The following TBC1D14 variants were observed in gnomAD, a reference collection of about 807,000 sequenced individuals.
TBC1D14 encodes TBC1 domain family member 14, also known as TBC1 domain family, member 14.
TBC1D14 carries 26 observed loss-of-function variants against 79.0 expected under a neutral mutation model. That is an observed-to-expected ratio of 0.33 (90% confidence interval 0.24 to 0.46). The LOEUF (loss-of-function observed/expected upper bound fraction) is 0.46. Ranked by LOEUF, TBC1D14 falls within the 20% of genes least tolerant of loss-of-function variation. TBC1D14 has a pLI of 1.00. For synonymous variants in TBC1D14, 394 were observed against 349.9 expected (o/e 1.13, Z -1.40); for missense variants, 769 against 887.6 (o/e 0.87, Z 1.70).
At chr4:6,984,915 T>G (rs1717686014) in intron 3 of TBC1D14, among the ~76,000 whole-genome samples, 1 of 152,160 alleles carries the variant, frequency 6.6e-6, no homozygotes, top group Non-Finnish European at 1.5e-5. Context: ...TGGCCCGTTG[T>G]GTACGATTGT....
intron 12 of TBC1D14, among the ~76,000 whole-genome samples, chr4:7,017,559 C>T (rs1275204240): frequency 2.6e-5 from 4 of 151,972 alleles, no homozygotes; most frequent in Non-Finnish European, 5.9e-5. Context: ...CAGTAATGAG[C>T]AGTGAGGCAG....
At chr4:7,013,961 G>T (rs1721036721) in intron 11 of TBC1D14, among the ~76,000 whole-genome samples, 2 of 152,188 alleles carry the variant, frequency 1.3e-5, no homozygotes, top group Admixed American at 6.5e-5. Flanking sequence ...GTGTTAGCGA[G>T]GATGGTCTCG....
intron 1 of TBC1D14, among the ~76,000 whole-genome samples, chr4:6,921,190 C>T (rs1452109378): frequency 2.6e-5 from 4 of 152,006 alleles, no homozygotes; most frequent in African/African-American, 9.7e-5. Context: ...TTGTCTTAGG[C>T]CAGAGAACTT....
intron 2 of TBC1D14, among the ~76,000 whole-genome samples, chr4:6,961,435 A>G (rs1715182449): frequency 6.6e-6 from 1 of 152,012 alleles, no homozygotes; most frequent in Non-Finnish European, 1.5e-5. Context: ...GGCCCTGCTG[A>G]GGAGTTGAGT....
intron 6 of TBC1D14, among the ~76,000 whole-genome samples, 155 bp downstream of exon 6, chr4:6,999,357 C>T (rs938919540): frequency 2.6e-5 from 4 of 151,980 alleles, no homozygotes; most frequent in African/African-American, 9.7e-5. Flanking sequence ...TCAGCCTGCG[C>T]CATCCCTTGC....
intron 12 of TBC1D14, among the ~76,000 whole-genome samples, chr4:7,021,632 A>G (rs1277179972): frequency 6.6e-6 from 1 of 150,958 alleles, no homozygotes; most frequent in African/African-American, 2.4e-5. Flanking sequence ...GTTATTTTGC[A>G]TTAGTTGAAG....
At chr4:6,952,520 G>A (rs939327480) in intron 2 of TBC1D14, among the ~76,000 whole-genome samples, 1 of 152,116 alleles carries the variant, frequency 6.6e-6, no homozygotes, top group Non-Finnish European at 1.5e-5. Flanking sequence ...GATTGTCCAG[G>A]GTTTTTTAAA....
At chr4:7,029,564 G>A (rs1722832894) in intron 13 of TBC1D14, among the ~76,000 whole-genome samples, 1 of 152,226 alleles carries the variant, frequency 6.6e-6, no homozygotes, top group Admixed American at 6.5e-5. Flanking sequence ...TGTTGGCCTG[G>A]CATGGTGGCT....
intron 3 of TBC1D14, among the ~76,000 whole-genome samples, chr4:6,978,033 G>A (rs1481371129): frequency 6.6e-6 from 1 of 151,202 alleles, no homozygotes; most frequent in South Asian, 2.1e-4. Context: ...CGTGAGGAGC[G>A]ACTCCGCCCG....
chr4:6,924,438 G>A (rs1006256921), intron 2 of TBC1D14, among the ~76,000 whole-genome samples: 2 of 152,160 alleles, frequency 1.3e-5, no homozygotes, highest in African/African-American at 4.8e-5. Flanking sequence ...ATAACTTAAC[G>A]TTTCTTGGGC....
At chr4:6,993,018 T>C (rs1718663533) in intron 3 of TBC1D14, among the ~76,000 whole-genome samples, 1 of 152,234 alleles carries the variant, frequency 6.6e-6, no homozygotes, top group African/African-American at 2.4e-5. Flanking sequence ...TCTATTTCTT[T>C]ATACTTTTTA....
At chr4:6,963,722 A>G (rs1052458130) in intron 2 of TBC1D14, among the ~76,000 whole-genome samples, 1 of 152,184 alleles carries the variant, frequency 6.6e-6, no homozygotes, top group African/African-American at 2.4e-5. Context: ...AAATATATCA[A>G]CATGCTTTTT....
chr4:6,959,809 C>T (rs1715015285), intron 2 of TBC1D14, among the ~76,000 whole-genome samples: 1 of 152,144 alleles, frequency 6.6e-6, no homozygotes, highest in Non-Finnish European at 1.5e-5. Flanking sequence ...CTACCTAATG[C>T]AACAGGAGTG....
chr4:6,953,629 C>CAAAA (rs750667631), intron 2 of TBC1D14, among the ~76,000 whole-genome samples: 1,026 of 55,044 alleles, frequency 0.019, 184 homozygotes, highest in Non-Finnish European at 0.022. Context: ...GACTCCGTCT[C>CAAAA]AAAAAAAAAA....
In TBC1D14 at chr4:6,924,083, T is replaced by C. The variant is rs773174992; in HGVS notation, c.694T>C (p.Leu232=). The C allele has an allele frequency of 4.3e-6, 7 of 1,612,890 alleles. No homozygotes were observed. Among genetic ancestry groups the C allele is most frequent in the African/African-American group, 1.3e-5 (1 of 74,924 alleles). ...EAEEGSKLKI[L]GPFSNFFARN... ...TGAGGAGGGGAGTAAATTGAAAATA[T>C]TGGGGCCATTTAGTAACTTCTTTGC... Residue 232 remains leucine (L), a synonymous_variant, in exon 2 of 14, where the codon TTG becomes CTG. Coordinates refer to ENST00000409757, the MANE Select transcript of TBC1D14 (RefSeq NM_020773.3).
chr4:6,979,675 C>A lies in TBC1D14; in HGVS notation c.843+12251C>A, dbSNP rs552769729. ...GTATATGTTGTCTGCAAGAAACTCACTTCAAATATAGAATATGTAGATTAA... is the reference window on the plus strand; with the variant it reads ...GTATATGTTGTCTGCAAGAAACTCAATTCAAATATAGAATATGTAGATTAA... On this transcript the variant is annotated intron_variant, in intron 3 of 13. Transcript: ENST00000409757. Among the ~76,000 whole-genome samples, 24 of 152,104 alleles carry A rather than the reference C, an allele frequency of 1.6e-4. No homozygotes were observed. The East Asian group carries it at 2.7e-3, about 17-fold the overall frequency.
chr4:7,009,247 ATC>A (rs1212821108), intron 9 of TBC1D14, among the ~76,000 whole-genome samples: 3 of 152,232 alleles, frequency 2.0e-5, no homozygotes, highest in East Asian at 1.9e-4. Context: ...AGCGTGAGGC[ATC>A]TCTGCACTTT....
chr4:6,915,982 C>A (rs972412003), intron 1 of TBC1D14, among the ~76,000 whole-genome samples: 1 of 151,716 alleles, frequency 6.6e-6, no homozygotes, highest in South Asian at 2.1e-4. Flanking sequence ...AAAAATTAGC[C>A]AGACGTGGTG....
intron 2 of TBC1D14, among the ~76,000 whole-genome samples, chr4:6,951,977 C>T (rs577116101): frequency 2.0e-5 from 3 of 152,062 alleles, no homozygotes; most frequent in Non-Finnish European, 4.4e-5. Flanking sequence ...GGCGATGAGG[C>T]GGCAGGGCTG....
Sources: allele counts gnomAD v4.1 joint callset (sites outside exome capture counted in the v4.1 genomes callset), GRCh38; gene constraint gnomAD v4.1.1; transcripts MANE v1.5; gene names NCBI Gene and HGNC (gene_info 2026-07-23, HGNC 2026-07-21).